The following RUNX1 variants were observed in gnomAD, a reference collection of about 807,000 sequenced individuals.
RUNX1 encodes the protein runt-related transcription factor 1.
RUNX1 carries 19 observed loss-of-function variants against 42.8 expected under a neutral mutation model. That is an observed-to-expected ratio of 0.44 (90% CI 0.31 to 0.65). The LOEUF is 0.65. Among genes scored for constraint, RUNX1 ranks in the 30% least tolerant of loss-of-function variants. The pLI is 0.07. For missense variants in RUNX1, 528 were observed against 672.0 expected (o/e 0.79, Z 2.37); for synonymous variants, 271 against 289.4 (o/e 0.94, Z 0.64).
At chr21:34,912,957 G>A (rs1012754374) in intron 2 of RUNX1, among the ~76,000 whole-genome samples, 6 of 152,218 alleles carry the variant, frequency 3.9e-5, no homozygotes, top group Admixed American at 2.0e-4. Flanking sequence ...GAGGCCAGGC[G>A]TGATGGCTCA....
At chr21:34,835,082 A>G (rs2057125443) in intron 6 of RUNX1, among the ~76,000 whole-genome samples, 1 of 152,118 alleles carries the variant, frequency 6.6e-6, no homozygotes, top group Admixed American at 6.5e-5. Flanking sequence ...TGGGCCCCGC[A>G]GCTTAGTGGT....
chr21:34,986,467 G>A (rs2058888849), intron 2 of RUNX1, among the ~76,000 whole-genome samples: 2 of 150,992 alleles, frequency 1.3e-5, no homozygotes, highest in African/African-American at 4.9e-5. Flanking sequence ...GGTTCCCTAT[G>A]TGTCTCCCAA....
chr21:34,930,189 CATATATATTATATATACATATATACATGT>C (rs1008401533), intron 2 of RUNX1, among the ~76,000 whole-genome samples: 15 of 130,990 alleles, frequency 1.1e-4, no homozygotes, highest in Non-Finnish European at 1.9e-4. Flanking sequence ...CATACATATA[CATATATATTATATATACATATATACATGT>C]ATATATATTA....
intron 2 of RUNX1, among the ~76,000 whole-genome samples, chr21:35,035,438 C>G (rs1313536929): frequency 6.6e-6 from 1 of 152,228 alleles, no homozygotes; most frequent in African/African-American, 2.4e-5. Flanking sequence ...AGAATCTGGA[C>G]TCCAACCGAG....
chr21:34,877,329 C>G (rs2057828759), intron 5 of RUNX1, among the ~76,000 whole-genome samples: 1 of 152,064 alleles, frequency 6.6e-6, no homozygotes, highest in Admixed American at 6.6e-5. Flanking sequence ...CCCTGAACTT[C>G]AATTTTTTGG....
chr21:34,980,105 G>A (rs553640319), intron 2 of RUNX1, among the ~76,000 whole-genome samples: 30 of 152,380 alleles, frequency 2.0e-4, no homozygotes, highest in African/African-American at 7.2e-4. Flanking sequence ...TGACAGCAAA[G>A]GCTATATAAA....
chr21:35,012,570 C>G (rs2059133367), intron 2 of RUNX1, among the ~76,000 whole-genome samples: 1 of 152,046 alleles, frequency 6.6e-6, no homozygotes, highest in South Asian at 2.1e-4. Flanking sequence ...TCTTAATGAA[C>G]AAAATACTTG....
intron 2 of RUNX1, among the ~76,000 whole-genome samples, chr21:34,973,154 C>T (rs2058775043): frequency 6.6e-6 from 1 of 152,176 alleles, no homozygotes; most frequent in African/African-American, 2.4e-5. Context: ...GTTTTCAGTC[C>T]TGCATGCTTA....
chr21:35,011,905 C>T lies in RUNX1; in HGVS notation c.58+36937G>A, dbSNP rs149258153. ...AAGAGATCTGGACCCTAAAGCTTAA[C>T]GGATTCTGGAAAGCAGCTGGCTTGT... On this transcript the variant is annotated intron_variant, in intron 2 of 8. Transcript: ENST00000675419. Among the ~76,000 whole-genome samples the T allele has an allele frequency of 2.6e-4, 39 of 152,234 alleles. 1 individual carries two copies. In the East Asian group the frequency reaches 4.4e-3, roughly 17 times the overall value.
chr21:35,000,492 G>GGCCT (rs1246954628), intron 2 of RUNX1, among the ~76,000 whole-genome samples: 4 of 151,836 alleles, frequency 2.6e-5, no homozygotes, highest in Non-Finnish European at 5.9e-5. Flanking sequence ...TGCCCACCTC[G>GGCCT]GCCTCCCAAA....
At chr21:34,970,979 T>C (rs2058759733) in intron 2 of RUNX1, among the ~76,000 whole-genome samples, 1 of 152,236 alleles carries the variant, frequency 6.6e-6, no homozygotes, top group Non-Finnish European at 1.5e-5. Context: ...GGGTTTTATA[T>C]CTATCGCCCA....
chr21:34,992,000 G>T (rs972435844), intron 2 of RUNX1, among the ~76,000 whole-genome samples: 1 of 152,214 alleles, frequency 6.6e-6, no homozygotes, highest in Non-Finnish European at 1.5e-5. Context: ...CCTAGAGCCT[G>T]CACAGGGAGC....
intron 2 of RUNX1, among the ~76,000 whole-genome samples, chr21:34,929,590 T>C (rs934444305): frequency 6.6e-6 from 1 of 152,188 alleles, no homozygotes; most frequent in African/African-American, 2.4e-5. Context: ...CTGAACAACA[T>C]GACACTGGAG....
intron 6 of RUNX1, among the ~76,000 whole-genome samples, chr21:34,849,821 CAGG>C (rs1213839807): frequency 6.6e-6 from 1 of 151,414 alleles, no homozygotes; most frequent in Non-Finnish European, 1.5e-5. Context: ...ATGCGATGAA[CAGG>C]AGAACACAGA....
intron 2 of RUNX1, among the ~76,000 whole-genome samples, chr21:35,011,810 TC>T (rs1178599335): frequency 6.6e-6 from 1 of 152,228 alleles, no homozygotes; most frequent in African/African-American, 2.4e-5. Context: ...CTAGCTTCTT[TC>T]CTTGACTTTT....
chr21:34,855,834 C>T (rs931692874), intron 6 of RUNX1, among the ~76,000 whole-genome samples: 3 of 152,210 alleles, frequency 2.0e-5, no homozygotes, highest in African/African-American at 7.2e-5. Flanking sequence ...AAGTGCTCTA[C>T]GTGCTAACCG....
chr21:35,041,635 C>T (rs1188811616), intron 2 of RUNX1, among the ~76,000 whole-genome samples: 1 of 149,976 alleles, frequency 6.7e-6, no homozygotes, highest in Non-Finnish European at 1.5e-5. Context: ...TTCATTCATC[C>T]TTTCTTTCTT....
In RUNX1 at chr21:34,989,146, T is replaced by C. The variant is rs572302363; in HGVS notation, c.58+59696A>G. Among the ~76,000 whole-genome samples the C allele has an allele frequency of 1.1e-4, 17 of 152,160 alleles. 1 individual carries two copies. In the South Asian group the frequency reaches 3.5e-3, roughly 32 times the overall value. Reference sequence around the variant, plus strand: ...GCCTCAATCTCCTGAGTAGCTGAGATTACAGGCGCCCGCCGCCACACCCAG... The same window carrying C: ...GCCTCAATCTCCTGAGTAGCTGAGACTACAGGCGCCCGCCGCCACACCCAG... On this transcript the variant is annotated intron_variant, in intron 2 of 8. Coordinates refer to ENST00000675419, the MANE Select transcript of RUNX1 (RefSeq NM_001754.5).
intron 2 of RUNX1, among the ~76,000 whole-genome samples, chr21:35,043,030 CAA>C (rs1201671886): frequency 6.6e-6 from 1 of 152,136 alleles, no homozygotes; most frequent in Non-Finnish European, 1.5e-5. Flanking sequence ...GTCTCCCCAA[CAA>C]AGAGTGAAGC....
Sources: allele counts gnomAD v4.1 joint callset (sites outside exome capture counted in the v4.1 genomes callset), GRCh38; gene constraint gnomAD v4.1.1; transcripts MANE v1.5; gene names NCBI Gene and HGNC (gene_info 2026-07-23, HGNC 2026-07-21).